OR2C1: variants seen among roughly 807,000 people sequenced by gnomAD.
OR2C1 encodes the protein olfactory receptor 2C1.
For missense variants in OR2C1, 468 were observed against 388.3 expected (o/e 1.21, Z -1.73); for synonymous variants, 209 against 167.3 (o/e 1.25, Z -1.92).
At chr16:3,340,700 A>G in the OR2C1 span, among the ~76,000 whole-genome samples, 6 of 152,190 alleles carry the variant, frequency 3.9e-5, no homozygotes, top group African/African-American at 1.4e-4. Context: ...TGAAGAGACT[A>G]TTCTTTCCCT....
chr16:3,323,973 C>A, the OR2C1 span: 2 of 575,374 alleles, frequency 3.5e-6, no homozygotes, highest in Non-Finnish European at 6.0e-6. Context: ...TTTTTAAAAC[C>A]AATAGGTATA....
At chr16:3,345,835 CCTT>C in the OR2C1 span, among the ~76,000 whole-genome samples, 1 of 84,422 alleles carries the variant, frequency 1.2e-5, no homozygotes, top group African/African-American at 5.0e-5. Context: ...TTCCTTCCCT[CCTT>C]CCTTCCTCCC....
chr16:3,337,620 A>G, the OR2C1 span, among the ~76,000 whole-genome samples: 1 of 152,020 alleles, frequency 6.6e-6, no homozygotes, highest in East Asian at 1.9e-4. Context: ...TCTTTTTGTT[A>G]TATTTCTCAG....
chr16:3,355,465 A>AAAAAAAACAAAAAAC (rs1382052254), upstream of OR2C1, among the ~76,000 whole-genome samples: 4 of 141,638 alleles, frequency 2.8e-5, no homozygotes, highest in Non-Finnish European at 4.6e-5. Context: ...CTCAAAAAAA[A>AAAAAAAACAAAAAAC]AAAAAAAGCT....
At chr16:3,346,922 A>G in the OR2C1 span, among the ~76,000 whole-genome samples, 16 of 148,526 alleles carry the variant, frequency 1.1e-4, 1 homozygote, top group South Asian at 3.4e-3. Context: ...GTAAGCCACC[A>G]CCCCTGGCCT....
At chr16:3,338,663 A>G in the OR2C1 span, among the ~76,000 whole-genome samples, 6 of 148,122 alleles carry the variant, frequency 4.1e-5, no homozygotes, top group Non-Finnish European at 8.9e-5. Context: ...TCACCCTCCC[A>G]AGTAGCTGAG....
the OR2C1 span, chr16:3,323,956 T>C: frequency 1.5e-6 from 1 of 659,796 alleles, no homozygotes; most frequent in Non-Finnish European, 2.5e-6. Flanking sequence ...TGATCCTTAC[T>C]GTTGAATTTT....
At chr16:3,352,797 A>G (rs1482846733), upstream of OR2C1, among the ~76,000 whole-genome samples, 1 of 148,784 alleles carries the variant, frequency 6.7e-6, no homozygotes, top group Admixed American at 6.7e-5. Context: ...GCTGGAGTGC[A>G]ATGGCATTAT....
upstream of OR2C1, chr16:3,355,741 C>G (rs768233283): frequency 1.7e-6 from 1 of 578,888 alleles, no homozygotes; most frequent in Non-Finnish European, 3.0e-6. Context: ...GAGATTGTGC[C>G]ACTGCACTCC....
the OR2C1 span, among the ~76,000 whole-genome samples, chr16:3,331,280 G>C: frequency 6.6e-6 from 1 of 152,026 alleles, no homozygotes; most frequent in African/African-American, 2.4e-5. Context: ...GTAGATTCTG[G>C]ATATCAGCCC....
the OR2C1 span, among the ~76,000 whole-genome samples, chr16:3,334,197 G>C: frequency 6.6e-6 from 1 of 150,946 alleles, no homozygotes; most frequent in Non-Finnish European, 1.5e-5. Flanking sequence ...AAGTGCAGTG[G>C]TGCAACTTCA....
At chr16:3,330,014 A>T in the OR2C1 span, among the ~76,000 whole-genome samples, 21 of 151,974 alleles carry the variant, frequency 1.4e-4, no homozygotes, top group Non-Finnish European at 2.5e-4. Context: ...CGGCCTCCCA[A>T]AGTGCTGGGA....
At chr16:3,325,458 AAAATATATAT>A in the OR2C1 span, among the ~76,000 whole-genome samples, 1 of 60,530 alleles carries the variant, frequency 1.7e-5, no homozygotes, top group Non-Finnish European at 2.8e-5. Flanking sequence ...ATTATGTCTA[AAAATATATAT>A]ATATATATAT....
At chr16:3,328,043 G>C in the OR2C1 span, among the ~76,000 whole-genome samples, 2 of 152,096 alleles carry the variant, frequency 1.3e-5, no homozygotes, top group African/African-American at 4.8e-5. Context: ...TTCCTCATTT[G>C]TTATCATGCT....
chr16:3,353,349 G>C (rs908775922), upstream of OR2C1, among the ~76,000 whole-genome samples: 10 of 151,768 alleles, frequency 6.6e-5, no homozygotes, highest in Non-Finnish European at 1.5e-4. Flanking sequence ...AAATGAGCTG[G>C]GGATGGTGGT....
At chr16:3,353,440 G>A (rs2030605517), upstream of OR2C1, among the ~76,000 whole-genome samples, 2 of 142,252 alleles carry the variant, frequency 1.4e-5, no homozygotes, top group Admixed American at 7.6e-5. Context: ...GCAGTGAGCC[G>A]AGATCCCGCC....
At chr16:3,331,133 G>C in the OR2C1 span, among the ~76,000 whole-genome samples, 2 of 152,146 alleles carry the variant, frequency 1.3e-5, no homozygotes, top group Non-Finnish European at 2.9e-5. Flanking sequence ...TTCTCTGATG[G>C]CCAATGATGG....
the OR2C1 span, among the ~76,000 whole-genome samples, chr16:3,326,726 C>A: frequency 3.9e-5 from 6 of 152,196 alleles, no homozygotes; most frequent in African/African-American, 1.4e-4. Flanking sequence ...TTAAGCTGGT[C>A]CTATTGGGAC....
chr16:3,328,981 C>A, the OR2C1 span, among the ~76,000 whole-genome samples: 1 of 99,992 alleles, frequency 1.0e-5, no homozygotes, highest in African/African-American at 3.9e-5. Context: ...GTTGGGTGGA[C>A]TAGGAAAATT....
Sources: gnomAD v4.1 joint callset for allele counts (sites outside exome capture counted in the v4.1 genomes callset) on GRCh38, gnomAD v4.1.1 for gene constraint, MANE v1.5 for transcripts, NCBI Gene and HGNC (gene_info 2026-07-23, HGNC 2026-07-21) for gene names.